The following DGKK variants were observed in gnomAD, a reference collection of about 807,000 sequenced individuals.
DGKK encodes the protein 142 kDa diacylglycerol kinase.
In DGKK, 35 loss-of-function variants were observed where a neutral mutation model predicts 92.2. That is an observed-to-expected ratio of 0.38 (90% CI 0.29 to 0.50). The LOEUF is 0.50. Ranked by LOEUF, DGKK falls within the 20% of genes least tolerant of loss-of-function variation. The pLI, the probability that DGKK is intolerant of heterozygous loss-of-function variation, is 0.92. For synonymous variants in DGKK, 368 were observed against 360.6 expected (o/e 1.02, Z -0.23); for missense variants, 910 against 992.2 (o/e 0.92, Z 1.11).
chrX:50,392,192 T>C (rs1924715605), intron 10 of DGKK, 149 bp downstream of exon 10: 1 of 456,830 alleles, frequency 2.2e-6, no homozygotes, highest in Non-Finnish European at 3.9e-6. Flanking sequence ...AGGCTTAGAT[T>C]GGGAATCTAC....
chrX:50,400,080 C>T (rs1171765362), intron 8 of DGKK, among the ~76,000 whole-genome samples: 1 of 111,910 alleles, frequency 8.9e-6, no homozygotes, highest in Non-Finnish European at 1.9e-5. Context: ...CAATAGATAG[C>T]TTCATTCCCG....
rs1557234577 is a variant in DGKK at position 50,470,725 on chromosome X, G to C, written c.-47C>G. ...TGGGCAGCCTGAGTCCCTAAGCCTG[G>C]AAGGCTAAAGTACCCTCGGGCGCCC... On this transcript the variant is annotated 5_prime_UTR_variant, in exon 1 of 28. Transcript: ENST00000611977. The C allele has an allele frequency of 2.8e-6, 3 of 1,078,233 alleles. No homozygotes were observed. Among genetic ancestry groups the C allele is most frequent in the Non-Finnish European group, 3.6e-6 (3 of 834,555 alleles). 88.9% of individuals were successfully genotyped at this position (1,078,233 alleles called of 1,213,427 possible). A position where few individuals can be genotyped will look rare whatever the true frequency, so the allele number is the denominator to read the frequency against.
At chrX:50,369,868 T>C (rs1266746403) in intron 27 of DGKK, among the ~76,000 whole-genome samples, 4 of 111,279 alleles carry the variant, frequency 3.6e-5, no homozygotes, top group Non-Finnish European at 5.7e-5. Flanking sequence ...TTTTTTTCCA[T>C]GTCCACTATT....
chrX:50,435,423 C>A (rs1401920200), intron 1 of DGKK, among the ~76,000 whole-genome samples: 2 of 112,327 alleles, frequency 1.8e-5, no homozygotes, highest in Non-Finnish European at 3.8e-5. Context: ...TATTGCCAAA[C>A]TGGACCCATG....
chrX:50,429,668 G>A (rs782246938), intron 1 of DGKK, among the ~76,000 whole-genome samples: 1 of 112,574 alleles, frequency 8.9e-6, no homozygotes, highest in Non-Finnish European at 1.9e-5. Context: ...CAGCCTGGAA[G>A]ACAGCGCAAG....
intron 8 of DGKK, among the ~76,000 whole-genome samples, chrX:50,395,797 CA>C (rs35132890): frequency 0.02 from 1,587 of 81,235 alleles, 31 homozygotes; most frequent in African/African-American, 0.06. Flanking sequence ...AGAACATTGG[CA>C]AAAAAAAAAA....
chrX:50,385,922 G>C (rs1383709132), intron 15 of DGKK, among the ~76,000 whole-genome samples: 1 of 111,903 alleles, frequency 8.9e-6, no homozygotes, highest in Non-Finnish European at 1.9e-5. Context: ...CAGGGCCCTT[G>C]TGCCTGATTA....
At position 50,368,330 on chromosome X, in the gene DGKK, G is replaced by C. The variant is rs1557222691; in HGVS notation, c.*610C>G. On this transcript the variant is annotated 3_prime_UTR_variant, in exon 28 of 28. Coordinates refer to ENST00000611977, the MANE Select transcript of DGKK (RefSeq NM_001013742.4). ...AAAACGCAAAGGGTTTGCAGAGAGAGAGAGAGGTTACCATATCTACAAAAA... is the reference window on the plus strand; with the variant it reads ...AAAACGCAAAGGGTTTGCAGAGAGACAGAGAGGTTACCATATCTACAAAAA... The C allele has an allele frequency of 9.0e-6, 1 of 111,046 alleles. No individual in the cohort carries two copies. The highest frequency in any genetic ancestry group is 3.3e-5 in the African/African-American group (1 of 30,436). 9.2% of individuals were successfully genotyped at this position (111,046 alleles called of 1,213,427 possible).
intron 1 of DGKK, among the ~76,000 whole-genome samples, chrX:50,445,442 T>C (rs920726256): frequency 2.7e-4 from 30 of 111,394 alleles, no homozygotes; most frequent in African/African-American, 9.5e-4. Flanking sequence ...TAATCCATCT[T>C]GAGTTAATTT....
intron 1 of DGKK, among the ~76,000 whole-genome samples, chrX:50,425,508 C>T (rs185281908): frequency 7.7e-4 from 85 of 109,972 alleles, no homozygotes; most frequent in African/African-American, 2.7e-3. Context: ...AGTTATTTGC[C>T]ATTCCTGTTC....
chrX:50,458,404 C>T (rs1557233038), intron 1 of DGKK, among the ~76,000 whole-genome samples: 1 of 109,271 alleles, frequency 9.2e-6, no homozygotes, highest in Non-Finnish European at 1.9e-5. Context: ...TTTCTTATTT[C>T]CACTATAGAA....
chrX:50,466,801 A>G (rs1173714096), intron 1 of DGKK, among the ~76,000 whole-genome samples: 7 of 111,939 alleles, frequency 6.3e-5, no homozygotes, highest in African/African-American at 2.3e-4. Flanking sequence ...TCATATAAAC[A>G]AATGCTTGCT....
intron 4 of DGKK, among the ~76,000 whole-genome samples, chrX:50,413,547 C>A (rs1236275834): frequency 8.9e-6 from 1 of 111,898 alleles, no homozygotes; most frequent in African/African-American, 3.3e-5. Context: ...GGCAAGAGAC[C>A]TGAACAGATA....
chrX:50,370,469 C>T lies in DGKK; in HGVS notation c.3693G>A (p.Glu1231=), dbSNP rs200519087. The part of the protein sequence containing the change: ...FPKLGKKKVE[E]ERKPKSGQSV... ...TCTGGCCTGATTTAGGCTTGCGTTC[C>T]TCTTCTACCTTTTTCTTTCCCAATT... Residue 1231 remains glutamate (E), a synonymous_variant, in exon 27 of 28, where the codon GAG becomes GAA. Coordinates refer to ENST00000611977, the MANE Select transcript of DGKK (RefSeq NM_001013742.4). 850 of 1,191,507 alleles carry T rather than the reference C, an allele frequency of 7.1e-4. 1 individual carries two copies. The highest frequency in any genetic ancestry group is 9.4e-4 in the Non-Finnish European group (831 of 885,316).
chrX:50,463,856 C>T (rs1407601761), intron 1 of DGKK, among the ~76,000 whole-genome samples: 1 of 110,511 alleles, frequency 9.0e-6, no homozygotes, highest in Admixed American at 9.6e-5. Context: ...GCTGAGAATA[C>T]TTTTGTTTAA....
chrX:50,389,981 A>G (rs113483564), intron 12 of DGKK, among the ~76,000 whole-genome samples: 4,466 of 111,397 alleles, frequency 0.04, 226 homozygotes, highest in African/African-American at 0.14. Flanking sequence ...ACTTCCTTAT[A>G]TACTAACACT....
chrX:50,431,579 C>T (rs1161264164), intron 1 of DGKK, among the ~76,000 whole-genome samples: 1 of 111,486 alleles, frequency 9.0e-6, no homozygotes, highest in South Asian at 3.8e-4. Context: ...TTATTACGGG[C>T]ACAACTGAGA....
chrX:50,420,326 C>A, intron 4 of DGKK, 77 bp downstream of exon 4: 1 of 914,791 alleles, frequency 1.1e-6, no homozygotes, highest in Admixed American at 2.4e-5. Flanking sequence ...TATTTCCCTG[C>A]TCTAAAGGTG....
rs1557224095 is a variant in DGKK at position 50,378,589 on chromosome X, G to A, written c.2965C>T (p.Arg989Cys). ...MSRIINLHHH[R>C]IAQCHEVMIT... The stretch of plus-strand genomic sequence containing the variant: ...CAGCCCCTGCCTACCTGGGCAATGC[G>A]ATGATGATGCAGGTTGATGATACGG... Residue 989 changes from arginine (R) to cysteine (C), a missense_variant, in exon 21 of 28, where the codon CGC becomes TGC. By Grantham distance (180) the Arg-to-Cys change is radical. Transcript: ENST00000611977. The A allele has an allele frequency of 2.2e-5, 27 of 1,206,034 alleles. No individual in the cohort carries two copies. The highest frequency in any genetic ancestry group is 2.9e-5 in the Non-Finnish European group (26 of 892,355).
Sources: gnomAD v4.1 joint callset for allele counts (sites outside exome capture counted in the v4.1 genomes callset) on GRCh38, gnomAD v4.1.1 for gene constraint, MANE v1.5 for transcripts, NCBI Gene and HGNC (gene_info 2026-07-23, HGNC 2026-07-21) for gene names.